CAGE1: variants seen among roughly 807,000 people sequenced by gnomAD.
The protein encoded by CAGE1 is cancer antigen 1, also known as cancer-associated gene 1 protein.
Under a neutral mutation model 94.9 loss-of-function variants are expected in CAGE1, and 66 were observed. The observed-to-expected ratio is 0.70, with a 90% CI of 0.57 to 0.85. The LOEUF is 0.85. Ranked by LOEUF, CAGE1 falls within the 40% of genes least tolerant of loss-of-function variation. The pLI, the probability that CAGE1 is intolerant of heterozygous loss-of-function variation, is 0.00. For synonymous variants in CAGE1, 319 were observed against 321.0 expected, an observed-to-expected ratio of 0.99 and a Z score of 0.07; for missense variants, 865 against 950.4, an observed-to-expected ratio of 0.91 and a Z score of 1.18.
At chr6:7,382,285 A>G (rs1760962659) in intron 3 of CAGE1, among the ~76,000 whole-genome samples, 1 of 151,554 alleles carries the variant, frequency 6.6e-6, no homozygotes, top group African/African-American at 2.4e-5. Flanking sequence ...TAGTCAATGC[A>G]TCGATTATGG....
chr6:7,380,999 T>C (rs1398286279), intron 3 of CAGE1, among the ~76,000 whole-genome samples: 3 of 152,226 alleles, frequency 2.0e-5, no homozygotes, highest in Non-Finnish European at 4.4e-5. Flanking sequence ...CTCCAAAACA[T>C]GTCAAATTCA....
chr6:7,356,046 A>G lies in CAGE1; in HGVS notation c.2277T>C (p.His759=). 6.5e-7 allele frequency: 1 copy of G among 1,544,678 alleles called. No individual in the cohort carries two copies. The highest frequency in any genetic ancestry group is 2.4e-5 in the East Asian group (1 of 40,884). ...LIEENDKYQR[H]LGNLIKKVTS... Reference sequence around the variant, plus strand: ...CTACCTTCTTTATTAAGTTGCCTAAATGTCTTTGATACTTGTCATTTTCTT... The same window carrying G: ...CTACCTTCTTTATTAAGTTGCCTAAGTGTCTTTGATACTTGTCATTTTCTT... The change falls in exon 10 of 14, where the codon CAT becomes CAC. Residue 759 remains histidine (H), a synonymous_variant. Transcript: ENST00000502583.
chr6:7,386,350 T>C (rs1160013947), intron 2 of CAGE1, among the ~76,000 whole-genome samples: 2 of 152,212 alleles, frequency 1.3e-5, no homozygotes, highest in African/African-American at 2.4e-5. Context: ...ATGAAGATAT[T>C]GGGACATTAC....
intron 3 of CAGE1, among the ~76,000 whole-genome samples, chr6:7,384,128 A>G (rs1170846867): frequency 6.6e-6 from 1 of 152,122 alleles, no homozygotes; most frequent in Non-Finnish European, 1.5e-5. Flanking sequence ...CCCAGGCTGG[A>G]GTGCAGTGGC....
chr6:7,374,054 T>G lies in CAGE1; in HGVS notation c.765A>C (p.Thr255=), dbSNP rs750498108. 2.5e-6 allele frequency: 4 copies of G among 1,614,034 alleles called. No individual in the cohort carries two copies. The highest frequency in any genetic ancestry group is 4.5e-5 in the East Asian group (2 of 44,886). ...EMSVSYEKEV[T]AEGVERPEIV... is the part of the protein sequence containing the mutation. ...TTTCTGGCCTCTCCACACCCTCTGC[T>G]GTGACTTCCTTTTCATAACTGACTG... Residue 255 remains threonine (T), a synonymous_variant, in exon 5 of 14, where the codon ACA becomes ACC. Transcript: ENST00000502583.
At chr6:7,341,491 G>A (rs1759172927) in intron 11 of CAGE1, 7 of 1,191,074 alleles carry the variant, frequency 5.9e-6, no homozygotes, top group Middle Eastern at 2.0e-4. Flanking sequence ...ATTCCATCGC[G>A]AGTCTGAGGA....
chr6:7,350,988 GATAA>G (rs1442371970), intron 11 of CAGE1, among the ~76,000 whole-genome samples: 2 of 152,006 alleles, frequency 1.3e-5, no homozygotes, highest in South Asian at 2.1e-4. Context: ...TCTTTGAAAA[GATAA>G]ATAAAATTGA....
chr6:7,377,292 C>A (rs1353178550), intron 4 of CAGE1, among the ~76,000 whole-genome samples: 1 of 152,084 alleles, frequency 6.6e-6, no homozygotes, highest in Non-Finnish European at 1.5e-5. Flanking sequence ...CTTGCGAAAC[C>A]CTATTTAAGC....
chr6:7,329,654 A>G (rs545194903), intron 13 of CAGE1, among the ~76,000 whole-genome samples, 195 bp downstream of exon 13: 1 of 152,264 alleles, frequency 6.6e-6, no homozygotes, highest in East Asian at 1.9e-4. Flanking sequence ...GGAGCCCTAC[A>G]AGATTAGAGG....
chr6:7,373,137 G>C lies in CAGE1; in HGVS notation c.1682C>G (p.Pro561Arg), dbSNP rs1760606629. Residue 561 changes from proline to arginine, a missense_variant, in exon 5 of 14, where the codon CCT becomes CGT. By Grantham distance (103) the Pro-to-Arg change is moderately radical. Coordinates refer to ENST00000502583, the MANE Select transcript of CAGE1 (RefSeq NM_001170692.2). The stretch of plus-strand genomic sequence containing the variant: ...CTTTAACTGAGCTGTCTCAAATTTA[G>C]GGACATAATTTTGCTCTTCACTCCT... ...VARSEEQNYV[P>R]KFETAQLKDQ... 1 of 1,613,206 alleles carries C rather than the reference G, an allele frequency of 6.2e-7. No homozygotes were observed. The highest frequency in any genetic ancestry group is 1.3e-5 in the African/African-American group (1 of 74,870).
chr6:7,346,435 G>A (rs1052506676), intron 11 of CAGE1, among the ~76,000 whole-genome samples: 4 of 152,110 alleles, frequency 2.6e-5, no homozygotes. Context: ...TGTAGTCCCA[G>A]CTACTTGGGA....
intron 11 of CAGE1, among the ~76,000 whole-genome samples, chr6:7,354,461 A>T (rs1759884699): frequency 1.3e-5 from 2 of 152,204 alleles, no homozygotes; most frequent in South Asian, 4.1e-4. Context: ...TAGAAAGCTC[A>T]TATTTTGGGG....
At chr6:7,329,522 C>T (rs1022277038) in intron 13 of CAGE1, among the ~76,000 whole-genome samples, 1 of 152,142 alleles carries the variant, frequency 6.6e-6, no homozygotes, top group Non-Finnish European at 1.5e-5. Flanking sequence ...TCTGTCTACT[C>T]TATGGAGGAT....
At chr6:7,345,067 A>G (rs1193314129) in intron 11 of CAGE1, among the ~76,000 whole-genome samples, 1 of 151,868 alleles carries the variant, frequency 6.6e-6, no homozygotes, top group South Asian at 2.1e-4. Context: ...CTGGTGTTGA[A>G]AGCTTTGTTC....
chr6:7,355,202 G>C, intron 10 of CAGE1, 91 bp from the exon 11 acceptor site: 1 of 760,874 alleles, frequency 1.3e-6, no homozygotes, highest in Admixed American at 2.7e-5. Context: ...TTAATTATCT[G>C]ACTATTAATG....
At chr6:7,352,743 T>A (rs1039165448) in intron 11 of CAGE1, among the ~76,000 whole-genome samples, 1 of 152,086 alleles carries the variant, frequency 6.6e-6, no homozygotes, top group African/African-American at 2.4e-5. Context: ...TAAATGCAAA[T>A]ACTTATAGCC....
chr6:7,381,548 T>C lies in CAGE1; in HGVS notation c.284-2528A>G, dbSNP rs554414700. Among the ~76,000 whole-genome samples the C allele has an allele frequency of 2.6e-3, 398 of 152,050 alleles. 4 individuals are homozygous for C. The highest frequency in any genetic ancestry group is 9.1e-3 in the African/African-American group (378 of 41,542). On this transcript the variant is annotated intron_variant, in intron 3 of 13. Transcript: ENST00000502583. ...TTCTATTACGTGCCTTTTTTTTTTT[T>C]TTGAGACAGAGTCTCTGTCACCCAG...
At chr6:7,374,179 T>A in intron 4 of CAGE1, 48 bp from the exon 5 acceptor site, 1 of 1,494,536 alleles carries the variant, frequency 6.7e-7, no homozygotes, top group African/African-American at 1.4e-5. Flanking sequence ...AGAAAGATAA[T>A]GAGCTTTCAA....
At chr6:7,341,744 G>T (rs1759185772) in intron 11 of CAGE1, 1 of 691,180 alleles carries the variant, frequency 1.4e-6, no homozygotes, top group Non-Finnish European at 2.8e-6. Flanking sequence ...GCCTCGCTTG[G>T]ATCACACAGA....
Sources: gnomAD v4.1 joint callset for allele counts (sites outside exome capture counted in the v4.1 genomes callset) on GRCh38, gnomAD v4.1.1 for gene constraint, MANE v1.5 for transcripts, NCBI Gene and HGNC (gene_info 2026-07-23, HGNC 2026-07-21) for gene names.